Variants in NRXN3 observed in about 807,000 individuals in gnomAD.
NRXN3 encodes the protein neurexin III.
Under a neutral mutation model 137.6 loss-of-function variants are expected in NRXN3, and 32 were observed. That is an observed-to-expected ratio of 0.23 (90% CI 0.18 to 0.31). NRXN3 has a LOEUF of 0.31. Ranked by LOEUF, NRXN3 falls within the 10% of genes least tolerant of loss-of-function variation. The pLI, the probability that NRXN3 is intolerant of heterozygous loss-of-function variation, is 1.00. For missense variants in NRXN3, 1,574 were observed against 2,062.5 expected (o/e 0.76, Z 4.59); for synonymous variants, 798 against 784.5 (o/e 1.02, Z -0.29).
chr14:78,457,895 T>C (rs1023269995), intron 4 of NRXN3, among the ~76,000 whole-genome samples: 19 of 152,112 alleles, frequency 1.2e-4, no homozygotes, highest in Non-Finnish European at 2.2e-4. Context: ...CTGATGCCCA[T>C]GGGTGATGTG....
chr14:78,369,141 A>G (rs2086432785), intron 4 of NRXN3, among the ~76,000 whole-genome samples: 1 of 152,186 alleles, frequency 6.6e-6, no homozygotes, highest in Non-Finnish European at 1.5e-5. Flanking sequence ...GGTTTACTCT[A>G]TGAACCTCAG....
chr14:78,190,829 A>G (rs573882526), intron 1 of NRXN3, among the ~76,000 whole-genome samples: 1 of 151,892 alleles, frequency 6.6e-6, no homozygotes, highest in African/African-American at 2.4e-5. Context: ...GCCCACCACC[A>G]CACCTGGCTA....
chr14:78,258,268 T>C (rs1021706688), intron 2 of NRXN3, among the ~76,000 whole-genome samples: 5 of 152,156 alleles, frequency 3.3e-5, no homozygotes, highest in African/African-American at 1.2e-4. Context: ...CCCTTCTGGT[T>C]GTAGGAATGT....
chr14:79,599,160 A>G (rs141250708), intron 16 of NRXN3, among the ~76,000 whole-genome samples: 2 of 152,298 alleles, frequency 1.3e-5, no homozygotes, highest in East Asian at 3.9e-4. Flanking sequence ...CTGTATTTCC[A>G]TAATTTATTT....
chr14:78,619,123 G>C (rs1274024356), intron 4 of NRXN3, among the ~76,000 whole-genome samples: 1 of 152,186 alleles, frequency 6.6e-6, no homozygotes, highest in Non-Finnish European at 1.5e-5. Flanking sequence ...CCTGCTGTTA[G>C]TATTCTCCAC....
intron 10 of NRXN3, among the ~76,000 whole-genome samples, chr14:78,930,448 C>T (rs2099318390): frequency 6.6e-6 from 1 of 152,178 alleles, no homozygotes; most frequent in Non-Finnish European, 1.5e-5. Flanking sequence ...CTAACAAGCA[C>T]TTGTTAAGTG....
At chr14:79,168,367 A>G (rs2061475364) in intron 15 of NRXN3, among the ~76,000 whole-genome samples, 2 of 152,058 alleles carry the variant, frequency 1.3e-5, no homozygotes, top group African/African-American at 2.4e-5. Context: ...CACATATTAG[A>G]TCTCAATAGA....
intron 16 of NRXN3, among the ~76,000 whole-genome samples, chr14:79,593,215 A>G (rs1602598446): frequency 6.6e-6 from 1 of 152,332 alleles, no homozygotes; most frequent in Non-Finnish European, 1.5e-5. Flanking sequence ...GTATATGAGA[A>G]GACACTATTT....
At chr14:78,193,969 G>T (rs919898622) in intron 1 of NRXN3, among the ~76,000 whole-genome samples, 13 of 152,056 alleles carry the variant, frequency 8.5e-5, no homozygotes, top group Non-Finnish European at 1.5e-4. Flanking sequence ...CATCCTCTGC[G>T]GCTGGCTGCT....
In NRXN3 at chr14:79,294,556, A is replaced by T. The variant is rs560943413; in HGVS notation, c.3263-172665A>T. ...ATTTTTTTAAGCTGATGTAATCAAA[A>T]CCAAAGAAGCATAAATGACTTGATC... is the stretch of plus-strand genomic sequence containing the variant. On this transcript the variant is annotated intron_variant, in intron 15 of 20. Coordinates refer to ENST00000335750, the MANE Select transcript of NRXN3 (RefSeq NM_001330195.2). Among the ~76,000 whole-genome samples, 7 of 152,284 alleles carry T rather than the reference A, an allele frequency of 4.6e-5. No individual in the cohort carries two copies. In the East Asian group the frequency reaches 1.2e-3, roughly 25 times the overall value.
At chr14:79,155,501 GTCT>G (rs1415013504) in intron 15 of NRXN3, among the ~76,000 whole-genome samples, 1 of 151,726 alleles carries the variant, frequency 6.6e-6, no homozygotes, top group Admixed American at 6.6e-5. Flanking sequence ...TTACTTAATA[GTCT>G]TCTTTAAGTT....
chr14:79,865,274 G>T lies in NRXN3; in HGVS notation c.*3310G>T, dbSNP rs1406891535. ...CTTCAATTTTAACAGCTTCTTACAA[G>T]AATTTCTGATTACAACTTGTTTCAT... On this transcript the variant is annotated 3_prime_UTR_variant, in exon 21 of 21. Transcript: ENST00000335750. 6.6e-6 allele frequency: 1 copy of T among 152,092 alleles called. No individual in the cohort carries two copies. The highest frequency in any genetic ancestry group is 2.4e-5 in the African/African-American group (1 of 41,422). 9.4% of individuals were successfully genotyped at this position (152,092 alleles called of 1,614,324 possible). A position where few individuals can be genotyped will look rare whatever the true frequency, so the allele number is the denominator to read the frequency against.
intron 8 of NRXN3, among the ~76,000 whole-genome samples, chr14:78,761,006 C>T (rs1223747863): frequency 6.6e-6 from 1 of 152,128 alleles, no homozygotes; most frequent in African/African-American, 2.4e-5. Flanking sequence ...TTGGAATTTT[C>T]TGAGCAACTC....
At chr14:79,509,317 C>A (rs1372472701) in intron 16 of NRXN3, among the ~76,000 whole-genome samples, 1 of 152,086 alleles carries the variant, frequency 6.6e-6, no homozygotes, top group Admixed American at 6.5e-5. Flanking sequence ...GACCAGCTTG[C>A]CAATATGGTG....
intron 10 of NRXN3, among the ~76,000 whole-genome samples, chr14:78,856,145 T>G (rs1351344079): frequency 2.6e-5 from 4 of 152,310 alleles, no homozygotes; most frequent in Admixed American, 6.5e-5. Context: ...CTACAGGCAT[T>G]CCACAGGAGG....
chr14:79,377,265 C>T (rs1292976410), intron 15 of NRXN3, among the ~76,000 whole-genome samples: 1 of 152,142 alleles, frequency 6.6e-6, no homozygotes, highest in African/African-American at 2.4e-5. Context: ...AGATATTGAG[C>T]TCAGCTTTTC....
intron 4 of NRXN3, among the ~76,000 whole-genome samples, chr14:78,379,182 A>G (rs1255094816): frequency 6.6e-6 from 1 of 152,208 alleles, no homozygotes; most frequent in Non-Finnish European, 1.5e-5. Context: ...TGAGAATTCT[A>G]CCAAACAGCA....
chr14:79,797,712 G>A (rs545672082), intron 19 of NRXN3, among the ~76,000 whole-genome samples: 59 of 152,284 alleles, frequency 3.9e-4, no homozygotes, highest in African/African-American at 1.2e-3. Flanking sequence ...CTTAAATTGA[G>A]TGAGTGAGAG....
intron 8 of NRXN3, among the ~76,000 whole-genome samples, chr14:78,764,471 T>G (rs2098702260): frequency 1.3e-5 from 2 of 152,174 alleles, no homozygotes; most frequent in Admixed American, 1.3e-4. Context: ...TCCTTTCCCG[T>G]TAAGCTGCCC....
Sources: allele counts gnomAD v4.1 joint callset (sites outside exome capture counted in the v4.1 genomes callset), GRCh38; gene constraint gnomAD v4.1.1; transcripts MANE v1.5; gene names NCBI Gene and HGNC (gene_info 2026-07-23, HGNC 2026-07-21).